PTPRT: variants seen among roughly 807,000 people sequenced by gnomAD.
PTPRT encodes receptor-type tyrosine-protein phosphatase T.
A neutral mutation model predicts 176.8 loss-of-function variants in PTPRT; 56 were observed. That is an observed-to-expected ratio of 0.32 (90% CI 0.26 to 0.40). PTPRT has a LOEUF of 0.40. PTPRT is among the 10% of genes least tolerant of loss of function. PTPRT has a pLI of 1.00. For synonymous variants in PTPRT, 783 were observed against 739.0 expected (o/e 1.06, Z -0.96); for missense variants, 1,540 against 1,908.2 (o/e 0.81, Z 3.60).
intron 7 of PTPRT, among the ~76,000 whole-genome samples, chr20:42,564,961 A>G (rs1358908253): frequency 6.6e-6 from 1 of 152,078 alleles, no homozygotes. Flanking sequence ...TGCCGGAACC[A>G]ATCTCCTGAG....
intron 7 of PTPRT, among the ~76,000 whole-genome samples, chr20:42,573,829 T>C (rs1485319250): frequency 6.9e-6 from 1 of 144,088 alleles, no homozygotes; most frequent in Admixed American, 7.3e-5. Context: ...GCTCACTGCA[T>C]GCTCCGCCCC....
intron 4 of PTPRT, among the ~76,000 whole-genome samples, chr20:42,772,119 C>T (rs374969189): frequency 1.3e-5 from 2 of 151,946 alleles, no homozygotes; most frequent in Admixed American, 1.3e-4. Context: ...GCCTGGGTGA[C>T]GATGTTGATG....
At chr20:43,010,030 A>C (rs1985040672) in intron 1 of PTPRT, among the ~76,000 whole-genome samples, 1 of 152,048 alleles carries the variant, frequency 6.6e-6, no homozygotes. Context: ...CCAGTCACCC[A>C]AGTTCAAAAG....
intron 1 of PTPRT, among the ~76,000 whole-genome samples, chr20:43,117,554 G>A (rs183861863): frequency 9.1e-4 from 139 of 152,224 alleles, no homozygotes; most frequent in Middle Eastern, 3.4e-3. Flanking sequence ...CTGGTGAACT[G>A]AGCCATATCT....
At chr20:42,441,479 G>A (rs368917848) in intron 9 of PTPRT, among the ~76,000 whole-genome samples, 1 of 152,224 alleles carries the variant, frequency 6.6e-6, no homozygotes, top group East Asian at 1.9e-4. Flanking sequence ...GGCAGCCAGT[G>A]CCAGATCCTT....
chr20:42,832,279 T>G (rs368392016), intron 2 of PTPRT, among the ~76,000 whole-genome samples: 1 of 152,166 alleles, frequency 6.6e-6, no homozygotes, highest in Non-Finnish European at 1.5e-5. Flanking sequence ...AAACACCACA[T>G]GTTCTCACTT....
chr20:43,175,082 G>A (rs956913451), intron 1 of PTPRT, among the ~76,000 whole-genome samples: 5 of 152,212 alleles, frequency 3.3e-5, no homozygotes, highest in Non-Finnish European at 5.9e-5. Context: ...CCTTTCTGAC[G>A]CCTCAGGCAA....
At chr20:42,372,363 A>C (rs561112942) in intron 9 of PTPRT, among the ~76,000 whole-genome samples, 5 of 146,436 alleles carry the variant, frequency 3.4e-5, no homozygotes, top group Admixed American at 2.1e-4. Context: ...GGCTCATTGC[A>C]ACCTCTGCCT....
intron 7 of PTPRT, among the ~76,000 whole-genome samples, chr20:42,483,377 T>C (rs2071417754): frequency 6.6e-6 from 1 of 152,184 alleles, no homozygotes; most frequent in South Asian, 2.1e-4. Context: ...TTGGCCAGGC[T>C]GGTCTCGAAC....
intron 13 of PTPRT, among the ~76,000 whole-genome samples, chr20:42,263,229 CT>C (rs199961803): frequency 5.3e-5 from 8 of 151,630 alleles, no homozygotes; most frequent in Non-Finnish European, 1.0e-4. Flanking sequence ...CTTTTCTTTT[CT>C]TTTTTTTGAG....
the PTPRT span, among the ~76,000 whole-genome samples, chr20:42,067,065 T>G: frequency 1.4e-4 from 21 of 152,286 alleles, no homozygotes; most frequent in Non-Finnish European, 1.0e-4. Context: ...TGTCTGGTGA[T>G]GTTTTCCTGT....
intron 8 of PTPRT, among the ~76,000 whole-genome samples, chr20:42,465,407 G>C (rs1267547828): frequency 6.6e-6 from 1 of 152,104 alleles, no homozygotes; most frequent in East Asian, 1.9e-4. Flanking sequence ...GAAACAACCT[G>C]GGTGTCCACT....
At chr20:42,240,108 A>G (rs574839146) in intron 14 of PTPRT, among the ~76,000 whole-genome samples, 14 of 152,250 alleles carry the variant, frequency 9.2e-5, no homozygotes, top group Admixed American at 8.5e-4. Context: ...CTTCACCTTC[A>G]AACCACAGAC....
At chr20:42,430,219 C>A (rs553755158) in intron 9 of PTPRT, among the ~76,000 whole-genome samples, 1 of 152,310 alleles carries the variant, frequency 6.6e-6, no homozygotes, top group African/African-American at 2.4e-5. Context: ...AATTTCACAG[C>A]AGGGTGAGGA....
At chr20:42,148,463 G>A (rs1988977717) in intron 17 of PTPRT, among the ~76,000 whole-genome samples, 1 of 152,100 alleles carries the variant, frequency 6.6e-6, no homozygotes, top group African/African-American at 2.4e-5. Flanking sequence ...CATTGAGTCT[G>A]TCCCCACTCC....
At chr20:42,323,220 G>A (rs551642707) in intron 11 of PTPRT, among the ~76,000 whole-genome samples, 47 of 152,276 alleles carry the variant, frequency 3.1e-4, no homozygotes, top group Non-Finnish European at 5.3e-4. Context: ...CAGGGATCTA[G>A]AACTAGAAAT....
At chr20:42,871,064 C>T (rs573615704) in intron 2 of PTPRT, among the ~76,000 whole-genome samples, 29 of 151,906 alleles carry the variant, frequency 1.9e-4, no homozygotes, top group African/African-American at 6.3e-4. Context: ...AATTCTCCTG[C>T]CTCAGCCTCG....
chr20:42,268,130 C>T (rs781620985), intron 13 of PTPRT, among the ~76,000 whole-genome samples: 4 of 152,000 alleles, frequency 2.6e-5, no homozygotes, highest in Non-Finnish European at 5.9e-5. Context: ...TCACTCAGAC[C>T]CAGGCAGTTA....
chr20:43,050,851 C>A (rs1987016051), intron 1 of PTPRT, among the ~76,000 whole-genome samples: 1 of 152,202 alleles, frequency 6.6e-6, no homozygotes, highest in Admixed American at 6.5e-5. Flanking sequence ...GAGCACAGGC[C>A]TCAAGCTTGA....
Sources: gnomAD v4.1 joint callset for allele counts (sites outside exome capture counted in the v4.1 genomes callset) on GRCh38, gnomAD v4.1.1 for gene constraint, MANE v1.5 for transcripts, NCBI Gene and HGNC (gene_info 2026-07-23, HGNC 2026-07-21) for gene names.